Variants in BCL11B observed in about 807,000 individuals in gnomAD.
BCL11B encodes the protein B-cell lymphoma/leukemia 11B.
A neutral mutation model predicts 49.9 loss-of-function variants in BCL11B; 8 were observed. The ratio of observed to expected loss-of-function variants is 0.16; its 90% CI spans 0.09 to 0.29. The LOEUF (loss-of-function observed/expected upper bound fraction) is 0.29, where lower values mean the gene tolerates loss of function less well. Among genes scored for constraint, BCL11B ranks in the 10% least tolerant of loss-of-function variants. The pLI is 1.00. For synonymous variants in BCL11B, 739 were observed against 637.4 expected, an observed-to-expected ratio of 1.16 and a Z score of -2.40; for missense variants, 1,006 against 1,351.0, an observed-to-expected ratio of 0.74 and a Z score of 4.00.
intron 3 of BCL11B, among the ~76,000 whole-genome samples, chr14:99,178,614 A>G (rs991758000): frequency 6.6e-6 from 1 of 152,248 alleles, no homozygotes; most frequent in African/African-American, 2.4e-5. Context: ...AGACAGCCTC[A>G]TAGGAGAGCT....
chr14:99,185,564 G>A (rs147689762), intron 3 of BCL11B, among the ~76,000 whole-genome samples: 3 of 151,932 alleles, frequency 2.0e-5, no homozygotes, highest in Non-Finnish European at 4.4e-5. Flanking sequence ...GCACACTCAA[G>A]GTGCAGGGCG....
At position 99,271,155 on chromosome 14, in the gene BCL11B, A is replaced by G. The variant is rs1889667314; in HGVS notation, c.58+6T>C. On this transcript the variant is annotated splice_donor_region_variant and intron_variant, in intron 1 of 3. Transcript: ENST00000357195. The stretch of plus-strand genomic sequence containing the variant: ...GGCCCCTCGCGCGCACTCCGCAGAC[A>G]CTTACGGGTGATGAGCTCCCTCTGG... The G allele has an allele frequency of 1.3e-6, 2 of 1,553,160 alleles. No homozygotes were observed. The highest frequency in any genetic ancestry group is 1.7e-6 in the Non-Finnish European group (2 of 1,155,548).
chr14:99,237,249 T>C (rs1888529686), intron 2 of BCL11B, among the ~76,000 whole-genome samples: 1 of 151,908 alleles, frequency 6.6e-6, no homozygotes, highest in Non-Finnish European at 1.5e-5. Flanking sequence ...TTTTTTTTTT[T>C]TTAGCTTTTA....
chr14:99,243,298 C>T (rs1389661281), intron 2 of BCL11B, among the ~76,000 whole-genome samples: 1 of 152,096 alleles, frequency 6.6e-6, no homozygotes, highest in Non-Finnish European at 1.5e-5. Flanking sequence ...CCCCCCTCCC[C>T]ACATAAACCT....
chr14:99,235,007 T>C (rs984512423), intron 2 of BCL11B, among the ~76,000 whole-genome samples: 1 of 152,170 alleles, frequency 6.6e-6, no homozygotes, highest in Non-Finnish European at 1.5e-5. Flanking sequence ...GTCTCTCTTC[T>C]AGAGGGACTT....
chr14:99,233,816 G>A (rs944567160), intron 2 of BCL11B, among the ~76,000 whole-genome samples: 1 of 152,182 alleles, frequency 6.6e-6, no homozygotes, highest in Admixed American at 6.5e-5. Flanking sequence ...TTTCCCCAGA[G>A]TCTCATTAGC....
chr14:99,270,350 C>T (rs1467136534), intron 1 of BCL11B, among the ~76,000 whole-genome samples: 2 of 151,828 alleles, frequency 1.3e-5, no homozygotes, highest in Non-Finnish European at 2.9e-5. Flanking sequence ...ACTCTCTTCC[C>T]ACTCCTAACT....
chr14:99,227,919 T>C (rs973279221), intron 3 of BCL11B, among the ~76,000 whole-genome samples: 4 of 152,096 alleles, frequency 2.6e-5, no homozygotes, highest in Admixed American at 2.6e-4. Context: ...CCCGAGTCCC[T>C]TCTCCCCACT....
chr14:99,219,858 T>C (rs927830232), intron 3 of BCL11B, among the ~76,000 whole-genome samples: 1 of 149,230 alleles, frequency 6.7e-6, no homozygotes, highest in Non-Finnish European at 1.5e-5. Context: ...AGAACTGCCA[T>C]GGGCAACCAT....
chr14:99,229,162 G>A (rs559758895), intron 3 of BCL11B, among the ~76,000 whole-genome samples: 12 of 152,170 alleles, frequency 7.9e-5, no homozygotes, highest in South Asian at 2.1e-4. Context: ...ATGGACGGAC[G>A]GATAGACGTG....
chr14:99,235,261 C>A (rs1457134170), intron 2 of BCL11B, among the ~76,000 whole-genome samples: 1 of 152,178 alleles, frequency 6.6e-6, no homozygotes, highest in Non-Finnish European at 1.5e-5. Context: ...GAGTATTTTT[C>A]TCCCTACTGG....
intron 2 of BCL11B, among the ~76,000 whole-genome samples, chr14:99,243,918 T>TAA (rs200999902): frequency 3.1e-5 from 4 of 128,172 alleles, no homozygotes; most frequent in African/African-American, 1.1e-4. Flanking sequence ...ACATTGCTCC[T>TAA]AAAAAAAAAA....
At chr14:99,222,110 A>C (rs929224050) in intron 3 of BCL11B, among the ~76,000 whole-genome samples, 1 of 152,206 alleles carries the variant, frequency 6.6e-6, no homozygotes, top group African/African-American at 2.4e-5. Context: ...TAATTGTAAA[A>C]TATACACAGA....
Position 99,176,030 on chromosome 14 carries a change from A to G in BCL11B, c.806T>C (p.Leu269Pro). The G allele has an allele frequency of 6.3e-7, 1 of 1,582,454 alleles. No homozygotes were observed. The highest frequency in any genetic ancestry group is 8.6e-7 in the Non-Finnish European group (1 of 1,164,576). ...LTPRLTIPPP[L>P]GPEAVAQSPL... ...GGACTGCGCCACGGCCTCCGGCCCG[A>G]GCGGCGGCGGGATGGTGAGCCGCGG... is the stretch of plus-strand genomic sequence containing the variant. The change falls in exon 4 of 4, where the codon CTC becomes CCC. Residue 269 changes from leucine to proline, a missense_variant. Leu to Pro is a moderately conservative substitution (Grantham distance 98, BLOSUM62 -3). Around this residue, in one of 6 missense-constraint regions of BCL11B, gnomAD observed 411 missense variants for 542.2 expected, o/e 0.76. Coordinates refer to ENST00000357195, the MANE Select transcript of BCL11B (RefSeq NM_138576.4).
intron 3 of BCL11B, among the ~76,000 whole-genome samples, chr14:99,220,278 C>T (rs2614458): frequency 0.67 from 101,760 of 151,916 alleles, 34,385 homozygotes; most frequent in Admixed American, 0.73. Flanking sequence ...AGGATTCAAA[C>T]AGATTATTGT....
chr14:99,230,196 T>C (rs531091254), intron 3 of BCL11B, among the ~76,000 whole-genome samples: 61 of 152,290 alleles, frequency 4.0e-4, no homozygotes, highest in Non-Finnish European at 7.9e-4. Context: ...TGTGGCCTTT[T>C]ACAGAGCTGT....
At chr14:99,193,750 T>C (rs1236188515) in intron 3 of BCL11B, among the ~76,000 whole-genome samples, 1 of 152,238 alleles carries the variant, frequency 6.6e-6, no homozygotes, top group East Asian at 1.9e-4. Context: ...GTCCAGACCA[T>C]GAAGAGGGTT....
At chr14:99,253,894 C>T (rs1477184850) in intron 2 of BCL11B, among the ~76,000 whole-genome samples, 1 of 152,228 alleles carries the variant, frequency 6.6e-6, no homozygotes. Context: ...GGCACCATAG[C>T]TGCCCTGAGT....
intron 2 of BCL11B, among the ~76,000 whole-genome samples, chr14:99,244,311 A>T (rs992289522): frequency 6.6e-6 from 1 of 151,442 alleles, no homozygotes; most frequent in African/African-American, 2.4e-5. Context: ...TCACACACAC[A>T]CACACCCCTA....
Sources: allele counts gnomAD v4.1 joint callset (sites outside exome capture counted in the v4.1 genomes callset), GRCh38; gene constraint gnomAD v4.1.1; regional missense constraint gnomAD v4.1.1; transcripts MANE v1.5; gene names NCBI Gene and HGNC (gene_info 2026-07-23, HGNC 2026-07-21).